Variants in WNK4 observed in about 807,000 individuals in gnomAD.
The protein encoded by WNK4 is serine/threonine-protein kinase WNK4.
In WNK4, 94 loss-of-function variants were observed where a neutral mutation model predicts 116.2. The observed-to-expected ratio is 0.81, with a 90% CI of 0.68 to 0.96. The LOEUF is 0.96. Ranked by LOEUF, WNK4 falls within the 40% of genes least tolerant of loss-of-function variation. WNK4 has a pLI of 0.00. For missense variants in WNK4, 1,542 were observed against 1,650.6 expected (o/e 0.93, Z 1.14); for synonymous variants, 655 against 672.7 (o/e 0.97, Z 0.41).
In WNK4 at chr17:42,782,931, G is replaced by A. The variant is rs775869151; in HGVS notation, c.791+1G>A. 8 of 1,613,906 alleles carry A rather than the reference G, an allele frequency of 5.0e-6. No individual in the cohort carries two copies. Among genetic ancestry groups the A allele is most frequent in the East Asian group, 2.2e-5 (1 of 44,876 alleles). ...TCATGACCTCGGGCACGCTCAAGAC[G>A]TGAGCTCTGCGCATGAGTGGGTGGG... On this transcript the variant is annotated splice_donor_variant, in intron 2 of 18. Transcript: ENST00000246914. LOFTEE classifies it high-confidence loss of function. This position sits in a 1 kb window ranked among gnomAD's most constrained non-coding sequence, Gnocchi z 4.2.
In WNK4 at chr17:42,781,097, C is replaced by T. The variant is rs1258132604; in HGVS notation, c.399C>T (p.Gly133=). The T allele has an allele frequency of 6.2e-7, 1 of 1,613,438 alleles. No homozygotes were observed. Among genetic ancestry groups the T allele is most frequent in the Non-Finnish European group, 8.5e-7 (1 of 1,179,824 alleles). The change falls in exon 1 of 19, where the codon GGC becomes GGT. Residue 133 remains glycine (G), a synonymous_variant. Transcript: ENST00000246914. ...ARPELPDSAV[G]PGSREPLRVP... ...CCGAGCTCCCGGACTCTGCAGTGGGCCCGGGGTCCAGGGAGCCGCTAAGGG... is the reference window on the plus strand; with the variant it reads ...CCGAGCTCCCGGACTCTGCAGTGGGTCCGGGGTCCAGGGAGCCGCTAAGGG...
chr17:42,783,811 A>C (rs564817518), intron 2 of WNK4, 126 bp from the exon 3 acceptor site: 1 of 887,356 alleles, frequency 1.1e-6, no homozygotes, highest in South Asian at 1.4e-5. Context: ...GACATAGGCT[A>C]GGAGAATGCT....
Position 42,784,642 on chromosome 17 carries a change from G to A in WNK4, c.1170+63G>A. 2 of 1,599,994 alleles carry A rather than the reference G, an allele frequency of 1.3e-6. No individual in the cohort carries two copies. The highest frequency in any genetic ancestry group is 1.1e-5 in the South Asian group (1 of 89,234). ...GGCCACTTCCCCTTTTCCTGCGCCG[G>A]CCAGCCCGCAGTCAATGCCCTTTGC... is the stretch of plus-strand genomic sequence containing the variant. On this transcript the variant is annotated intron_variant, in intron 4 of 18. Coordinates refer to ENST00000246914, the MANE Select transcript of WNK4 (RefSeq NM_032387.5). This position sits in a 1 kb window ranked among gnomAD's most constrained non-coding sequence, Gnocchi z 4.4.
Position 42,787,365 on chromosome 17 carries a change from G to T in WNK4, c.1564G>T (p.Glu522Ter), listed in dbSNP as rs769249445. 1 of 1,614,198 alleles carries T rather than the reference G, an allele frequency of 6.2e-7. No homozygotes were observed. Among genetic ancestry groups the T allele is most frequent in the East Asian group, 2.2e-5 (1 of 44,886 alleles). The change falls in exon 7 of 19, where the codon GAG becomes TAG. Residue 522 changes from glutamate to a stop codon, truncating the protein, a stop_gained. Coordinates refer to ENST00000246914, the MANE Select transcript of WNK4 (RefSeq NM_032387.5). LOFTEE classifies it high-confidence loss of function. ...GGTTGCTGCCATCCAGCGAAAGCGT[G>T]AGAAGCTGCGTAAAGCAAGGGAATT... is the stretch of plus-strand genomic sequence containing the variant. ...ERVAAIQRKREKLRKARELEA... is the reference protein window; with the variant it reads ...ERVAAIQRKR
Position 42,784,628 on chromosome 17 carries a change from C to A in WNK4, c.1170+49C>A. 6.2e-7 allele frequency: 1 copy of A among 1,610,184 alleles called. No homozygotes were observed. Among genetic ancestry groups the A allele is most frequent in the Middle Eastern group, 1.8e-4 (1 of 5,454 alleles). The stretch of plus-strand genomic sequence containing the variant: ...AAAGGCAATTCCAGGGCCACTTCCC[C>A]TTTTCCTGCGCCGGCCAGCCCGCAG... On this transcript the variant is annotated intron_variant, in intron 4 of 18. Coordinates refer to ENST00000246914, the MANE Select transcript of WNK4 (RefSeq NM_032387.5). This position sits in a 1 kb window ranked among gnomAD's most constrained non-coding sequence, Gnocchi z 4.4.
chr17:42,784,207 A>G lies in WNK4; in HGVS notation c.1012+50A>G. 1.3e-6 allele frequency: 2 copies of G among 1,599,320 alleles called. No homozygotes were observed. The highest frequency in any genetic ancestry group is 1.1e-5 in the South Asian group (1 of 90,950). On this transcript the variant is annotated intron_variant, in intron 3 of 18. Transcript: ENST00000246914. The surrounding 1 kb of genome is among the most constrained non-coding windows in gnomAD (Gnocchi z 4.4). ...GCCATTCCTTCCTCCCCCACCTCAG[A>G]AGAGAACCTGGGGACTCCCTCCCCT...
At position 42,795,209 on chromosome 17, in the gene WNK4, T is replaced by C. The variant is rs760077780; in HGVS notation, c.2788T>C (p.Phe930Leu). 2.5e-6 allele frequency: 4 copies of C among 1,613,838 alleles called. No individual in the cohort carries two copies. The South Asian group carries it at 3.3e-5, about 13-fold the overall frequency. The change falls in exon 14 of 19, where the codon TTC becomes CTC. Residue 930 changes from phenylalanine (F) to leucine (L), a missense_variant. Physicochemically the swap from Phe to Leu is conservative, Grantham distance 22. This residue lies in a region of WNK4 where 292 missense variants were observed against 290.1 expected (regional missense o/e 1.01). Coordinates refer to ENST00000246914, the MANE Select transcript of WNK4 (RefSeq NM_032387.5). Reference protein sequence around the residue: ...AAPLLSLASAFSLAVMTVAQS... With the variant: ...AAPLLSLASALSLAVMTVAQS... Reference sequence around the variant, plus strand: ...CCCTCTCCTTTCTCTGGCTAGTGCCTTCTCACTGGCTGTGATGACTGTGGC... The same window carrying C: ...CCCTCTCCTTTCTCTGGCTAGTGCCCTCTCACTGGCTGTGATGACTGTGGC...
rs776619542 is a variant in WNK4, at chr17:42,781,271, G to A, written c.573G>A (p.Gly191=). The stretch of plus-strand genomic sequence containing the variant: ...GCTCCTTCAAGACGGTGTATCGAGG[G>A]CTAGACACCGACACCACAGTGGAGG... The part of the protein sequence containing the change: ...GRGSFKTVYR[G]LDTDTTVEVA... The change falls in exon 1 of 19, where the codon GGG becomes GGA. Residue 191 remains glycine, a synonymous_variant. Coordinates refer to ENST00000246914, the MANE Select transcript of WNK4 (RefSeq NM_032387.5). 3 of 1,614,086 alleles carry A rather than the reference G, an allele frequency of 1.9e-6. No individual in the cohort carries two copies. Among genetic ancestry groups the A allele is most frequent in the African/African-American group, 1.3e-5 (1 of 74,926 alleles).
In WNK4 at chr17:42,794,677, T is replaced by C; in HGVS notation, c.2350+9T>C. On this transcript the variant is annotated intron_variant, in intron 13 of 18. Coordinates refer to ENST00000246914, the MANE Select transcript of WNK4 (RefSeq NM_032387.5). ...CCCAGACCCATCCAATGGTATGTAC[T>C]GAGTTGTGTCCTTGCTCATCCCAAC... 2 of 1,613,884 alleles carry C rather than the reference T, an allele frequency of 1.2e-6. No homozygotes were observed. The highest frequency in any genetic ancestry group is 1.7e-6 in the Non-Finnish European group (2 of 1,179,918).
At position 42,784,416 on chromosome 17, in the gene WNK4, C is replaced by A. The variant is rs752169077; in HGVS notation, c.1013-6C>A. ...AGCAATCTGATCCCTGCTGTGGACCCTACAGGGACCCCGGAATTCATGGCC... is the reference window on the plus strand; with the variant it reads ...AGCAATCTGATCCCTGCTGTGGACCATACAGGGACCCCGGAATTCATGGCC... On this transcript the variant is annotated splice_region_variant and splice_polypyrimidine_tract_variant and intron_variant, in intron 3 of 18. Coordinates refer to ENST00000246914, the MANE Select transcript of WNK4 (RefSeq NM_032387.5). The surrounding 1 kb of genome is among the most constrained non-coding windows in gnomAD (Gnocchi z 4.4). 6.2e-7 allele frequency: 1 copy of A among 1,613,128 alleles called. No individual in the cohort carries two copies. The highest frequency in any genetic ancestry group is 2.2e-5 in the East Asian group (1 of 44,800).
At position 42,784,549 on chromosome 17, in the gene WNK4, T is replaced by G. The variant is rs2054521436; in HGVS notation, c.1140T>G (p.Asn380Lys). ...TSEYPYSECQ[N>K]AAQIYRKVTS... Reference sequence around the variant, plus strand: ...AGTACCCGTACTCCGAGTGCCAGAATGCCGCGCAAATCTACCGCAAGGTCA... The same window carrying G: ...AGTACCCGTACTCCGAGTGCCAGAAGGCCGCGCAAATCTACCGCAAGGTCA... Residue 380 changes from asparagine to lysine, a missense_variant, in exon 4 of 19, where the codon AAT (asparagine) becomes AAG (lysine). Asn to Lys is a moderately conservative substitution (Grantham distance 94). This residue lies in a region of WNK4 where 808 missense variants were observed against 873.6 expected (regional missense o/e 0.92). Transcript: ENST00000246914. The surrounding 1 kb of genome is among the most constrained non-coding windows in gnomAD (Gnocchi z 4.4). 1.2e-6 allele frequency: 2 copies of G among 1,614,092 alleles called. No homozygotes were observed. The highest frequency in any genetic ancestry group is 1.7e-6 in the Non-Finnish European group (2 of 1,180,032).
rs1423602422 is a variant in WNK4, at chr17:42,794,175, A to G, written c.2296-439A>G. On this transcript the variant is annotated intron_variant, in intron 12 of 18. Coordinates refer to ENST00000246914, the MANE Select transcript of WNK4 (RefSeq NM_032387.5). ...GGCCTAAAACAGTGGCTCTTAGCCC[A>G]TTTGAGAATATGATGAAAGCCATGG... 1.3e-5 allele frequency: 4 copies of G among 310,500 alleles called. No homozygotes were observed. The East Asian group carries it at 2.6e-4, about 20-fold the overall frequency. The allele number at this position is 310,500 out of a possible 1,614,324, so 19.2% of individuals were successfully genotyped here. A position where few individuals can be genotyped will look rare whatever the true frequency, so the allele number is the denominator to read the frequency against.
At chr17:42,792,553 C>G (rs879691073) in intron 11 of WNK4, among the ~76,000 whole-genome samples, 1 of 152,210 alleles carries the variant, frequency 6.6e-6, no homozygotes, top group Admixed American at 6.5e-5. Context: ...ACCCCCATCC[C>G]CCCAACCCTG....
chr17:42,784,376 G>T lies in WNK4; in HGVS notation c.1013-46G>T, dbSNP rs1267496316. 1 of 1,603,134 alleles carries T rather than the reference G, an allele frequency of 6.2e-7. No homozygotes were observed. Among genetic ancestry groups the T allele is most frequent in the Non-Finnish European group, 8.5e-7 (1 of 1,175,124 alleles). On this transcript the variant is annotated intron_variant, in intron 3 of 18. Coordinates refer to ENST00000246914, the MANE Select transcript of WNK4 (RefSeq NM_032387.5). The surrounding 1 kb of genome is among the most constrained non-coding windows in gnomAD (Gnocchi z 4.4). ...GGCTGCCTAGCCCAGTGGGAAGGAC[G>T]AGGCCAGAGTGCCCAGCAATCTGAT... is the stretch of plus-strand genomic sequence containing the variant.
In WNK4 at chr17:42,782,286, C is replaced by G. The variant is rs1324478595; in HGVS notation, c.619-472C>G. 6.6e-6 allele frequency among the ~76,000 whole-genome samples: 1 copy of G among 152,206 alleles called. No homozygotes were observed. On this transcript the variant is annotated intron_variant, in intron 1 of 18. Transcript: ENST00000246914. The surrounding 1 kb of genome is among the most constrained non-coding windows in gnomAD (Gnocchi z 4.2). Reference sequence around the variant, plus strand: ...CTAGTCCTGGATCTTTTCTTTCCTTCTCAGTACCTCCCTCCATATCCCTCC... The same window carrying G: ...CTAGTCCTGGATCTTTTCTTTCCTTGTCAGTACCTCCCTCCATATCCCTCC...
In WNK4 at chr17:42,781,039, C is replaced by A. The variant is rs1293029255; in HGVS notation, c.341C>A (p.Ala114Asp). Residue 114 changes from alanine to aspartate, a missense_variant, in exon 1 of 19, where the codon GCC (alanine) becomes GAC (aspartate). Physicochemically the swap from Ala to Asp is moderately radical, Grantham distance 126 (BLOSUM62 -2). Transcript: ENST00000246914. ...CCCGAGGGCACGTGGACCGAGGGAG[C>A]CCCTGTGAAGGCTGCGGAAGACTCC... ...EPPEGTWTEG[A>D]PVKAAEDSAR... The A allele has an allele frequency of 2.5e-6, 4 of 1,610,806 alleles. No individual in the cohort carries two copies. The East Asian group carries it at 8.9e-5, about 36-fold the overall frequency.
At position 42,780,943 on chromosome 17, in the gene WNK4, AC is replaced by A. The variant is rs747561881; in HGVS notation, c.252del (p.Asp85IlefsTer32). The A allele has an allele frequency of 7.5e-6, 12 of 1,608,402 alleles. No homozygotes were observed. Among genetic ancestry groups the A allele is most frequent in the Admixed American group, 1.7e-5 (1 of 59,894 alleles). ...TCCCTGCCAGCCTCACCCGCTCCGG[AC>A]CCCCCCGATCCTCCGGACTCCGCTG... The part of the protein sequence containing the change: ...SWSLPASPAP[D>X]PPDPPDSAGP... On this transcript the variant is annotated frameshift_variant, in exon 1 of 19. Transcript: ENST00000246914. LOFTEE classifies it high-confidence loss of function.
chr17:42,794,697 C>T lies in WNK4; in HGVS notation c.2350+29C>T, dbSNP rs375879040. The T allele has an allele frequency of 3.7e-6, 6 of 1,613,710 alleles. No individual in the cohort carries two copies. The African/African-American group carries it at 6.7e-5, about 18-fold the overall frequency. On this transcript the variant is annotated intron_variant, in intron 13 of 18. Transcript: ENST00000246914. ...TGTACTGAGTTGTGTCCTTGCTCAT[C>T]CCAACCCCTGGGGTTGCTCCTGGGA...
chr17:42,787,746 C>T lies in WNK4; in HGVS notation c.1742-32C>T, dbSNP rs767930502. ...CTCTGCCACTATTCCCTTTTATTTC[C>T]CCTTTTTTTGATCCTCTCCCTCCCC... On this transcript the variant is annotated intron_variant, in intron 7 of 18. Transcript: ENST00000246914. 5 of 1,609,008 alleles carry T rather than the reference C, an allele frequency of 3.1e-6. No individual in the cohort carries two copies. In the Admixed American group the frequency reaches 6.7e-5, roughly 21 times the overall value.
Sources: allele counts gnomAD v4.1 joint callset (sites outside exome capture counted in the v4.1 genomes callset), GRCh38; gene constraint gnomAD v4.1.1; regional missense constraint gnomAD v4.1.1; non-coding constraint Gnocchi (gnomAD v3.1); transcripts MANE v1.5; gene names NCBI Gene and HGNC (gene_info 2026-07-23, HGNC 2026-07-21).